Variants in SLC9A5 observed in about 807,000 individuals in gnomAD.
SLC9A5 encodes sodium/hydrogen exchanger 5.
In SLC9A5, 52 loss-of-function variants were observed where a neutral mutation model predicts 91.7. The ratio of observed to expected loss-of-function variants is 0.57; its 90% CI spans 0.45 to 0.71. The LOEUF (loss-of-function observed/expected upper bound fraction) is 0.71. Ranked by LOEUF, SLC9A5 falls within the 30% of genes least tolerant of loss-of-function variation. The probability of loss-of-function intolerance (pLI) is 0.00; values close to 1 mark genes in which losing one functional copy is unlikely to be tolerated. For missense variants in SLC9A5, 871 were observed against 1,158.9 expected (o/e 0.75, Z 3.61); for synonymous variants, 419 against 474.5 (o/e 0.88, Z 1.52).
chr16:67,257,714 C>T lies in SLC9A5; in HGVS notation c.1496+113C>T. ...ACAGAGCCAGGTTCAGGCTGGGTGA[C>T]CTCTGCCTGAAGCCCTTCAGTGGCA... On this transcript the variant is annotated intron_variant, in intron 9 of 15. Transcript: ENST00000299798. This position sits in a 1 kb window ranked among gnomAD's most constrained non-coding sequence, Gnocchi z 5.1. 1 of 1,104,536 alleles carries T rather than the reference C, an allele frequency of 9.1e-7. No individual in the cohort carries two copies. The highest frequency in any genetic ancestry group is 1.3e-5 in the South Asian group (1 of 76,146). 68.4% of individuals were successfully genotyped at this position (1,104,536 alleles called of 1,614,324 possible).
rs2035370515 is a variant in SLC9A5 at position 67,257,687 on chromosome 16, G to T, written c.1496+86G>T. On this transcript the variant is annotated intron_variant, in intron 9 of 15. Transcript: ENST00000299798. This position sits in a 1 kb window ranked among gnomAD's most constrained non-coding sequence, Gnocchi z 5.1. Reference sequence around the variant, plus strand: ...GGGGATGTGCCACACTTCTGAGAAGGGACAGAGCCAGGTTCAGGCTGGGTG... The same window carrying T: ...GGGGATGTGCCACACTTCTGAGAAGTGACAGAGCCAGGTTCAGGCTGGGTG... 1 of 1,418,766 alleles carries T rather than the reference G, an allele frequency of 7.0e-7. No individual in the cohort carries two copies. Among genetic ancestry groups the T allele is most frequent in the African/African-American group, 1.4e-5 (1 of 71,174 alleles). 87.9% of individuals were successfully genotyped at this position (1,418,766 alleles called of 1,614,324 possible). A position where few individuals can be genotyped will look rare whatever the true frequency, so the allele number is the denominator to read the frequency against.
At chr16:67,254,462 T>A (rs1402689739) in intron 2 of SLC9A5, among the ~76,000 whole-genome samples, 1 of 152,234 alleles carries the variant, frequency 6.6e-6, no homozygotes, top group Non-Finnish European at 1.5e-5. Flanking sequence ...AGTGGCACAA[T>A]CTCGGCTCAC....
chr16:67,255,854 G>A lies in SLC9A5; in HGVS notation c.835G>A (p.Glu279Lys), dbSNP rs780862622. Residue 279 changes from glutamate (E) to lysine (K), a missense_variant, in exon 5 of 16, where the codon GAG (glutamate) becomes AAG (lysine). By Grantham distance (56) the Glu-to-Lys change is moderately conservative. Transcript: ENST00000299798. The surrounding 1 kb of genome is among the most constrained non-coding windows in gnomAD (Gnocchi z 4.9). ...CTTCACCAAGCGGGTCCGCATCATC[G>A]AGCCGCTGCTGGTCTTCCTCCTCGC... ...TRFTKRVRIIEPLLVFLLAYA... is the reference protein window; with the variant it reads ...TRFTKRVRIIKPLLVFLLAYA... The A allele has an allele frequency of 3.1e-6, 5 of 1,613,154 alleles. No individual in the cohort carries two copies. Among genetic ancestry groups the A allele is most frequent in the South Asian group, 1.1e-5 (1 of 90,822 alleles).
chr16:67,262,119 C>T, intron 12 of SLC9A5: 1 of 354,312 alleles, frequency 2.8e-6, no homozygotes, highest in Non-Finnish European at 5.8e-6. Flanking sequence ...ATGTCTGCCA[C>T]CAAATGTCTC....
chr16:67,256,733 G>T lies in SLC9A5; in HGVS notation c.1132+44G>T. 1 of 1,473,002 alleles carries T rather than the reference G, an allele frequency of 6.8e-7. No homozygotes were observed. The allele number at this position is 1,473,002 out of a possible 1,614,324, so 91.2% of individuals were successfully genotyped here. A position where few individuals can be genotyped will look rare whatever the true frequency, so the allele number is the denominator to read the frequency against. ...GCTTTCCCACTCTCCTTCCTGTCCC[G>T]CCCCTCCCTGCAGCTCATCTCCCTA... On this transcript the variant is annotated intron_variant, in intron 6 of 15. Transcript: ENST00000299798. The surrounding 1 kb of genome is among the most constrained non-coding windows in gnomAD (Gnocchi z 4.1).
chr16:67,263,154 A>G, intron 12 of SLC9A5: 1 of 152,988 alleles, frequency 6.5e-6, no homozygotes, highest in Non-Finnish European at 1.5e-5. Context: ...GGCAGGAAGG[A>G]GGGAACTGAG....
chr16:67,268,918 C>A (rs1192363261), intron 15 of SLC9A5, among the ~76,000 whole-genome samples: 1 of 151,240 alleles, frequency 6.6e-6, no homozygotes, highest in Non-Finnish European at 1.5e-5. Flanking sequence ...GGACAACCCT[C>A]ACCAGCAAAG....
At position 67,252,572 on chromosome 16, in the gene SLC9A5, T is replaced by C; in HGVS notation, c.218T>C (p.Leu73Pro). Residue 73 changes from leucine to proline, a missense_variant, in exon 2 of 16, where the codon CTG (leucine) becomes CCG (proline). By Grantham distance (98) the Leu-to-Pro change is moderately conservative. Coordinates refer to ENST00000299798, the MANE Select transcript of SLC9A5 (RefSeq NM_004594.3). This position sits in a 1 kb window ranked among gnomAD's most constrained non-coding sequence, Gnocchi z 4.0. ...CACCTGTCTCGGAAAGTAACATCTC[T>C]GGTCCCTGAGAGCTGCCTGCTGATT... Reference protein sequence around the residue: ...VFHLSRKVTSLVPESCLLILL... With the variant: ...VFHLSRKVTSPVPESCLLILL... 1 of 1,613,802 alleles carries C rather than the reference T, an allele frequency of 6.2e-7. No individual in the cohort carries two copies. The highest frequency in any genetic ancestry group is 8.5e-7 in the Non-Finnish European group (1 of 1,179,912).
chr16:67,266,850 CTTT>C (rs61525765), intron 15 of SLC9A5, among the ~76,000 whole-genome samples: 3 of 118,966 alleles, frequency 2.5e-5, no homozygotes, highest in Admixed American at 8.4e-5. Flanking sequence ...CTATTCTTTT[CTTT>C]TTTTTTTTTT....
chr16:67,254,562 A>G (rs1462688219), intron 2 of SLC9A5, among the ~76,000 whole-genome samples: 4 of 152,072 alleles, frequency 2.6e-5, no homozygotes, highest in Non-Finnish European at 1.5e-5. Context: ...GCGCCTGGCT[A>G]CTTTTTGTAT....
In SLC9A5 at chr16:67,256,005, G is replaced by A. The variant is rs2035304619; in HGVS notation, c.911+75G>A. The A allele has an allele frequency of 2.7e-6, 4 of 1,497,662 alleles. No individual in the cohort carries two copies. Among genetic ancestry groups the A allele is most frequent in the Admixed American group, 1.9e-5 (1 of 53,790 alleles). The allele number at this position is 1,497,662 out of a possible 1,614,324, so 92.8% of individuals were successfully genotyped here. A position where few individuals can be genotyped will look rare whatever the true frequency, so the allele number is the denominator to read the frequency against. ...ATGGTTGCCCCTCATAGGGACACAGGCAGGAACTTCAGGAGTCCATAGGTT... is the reference window on the plus strand; with the variant it reads ...ATGGTTGCCCCTCATAGGGACACAGACAGGAACTTCAGGAGTCCATAGGTT... On this transcript the variant is annotated intron_variant, in intron 5 of 15. Transcript: ENST00000299798. This position sits in a 1 kb window ranked among gnomAD's most constrained non-coding sequence, Gnocchi z 4.1.
rs930271433 is a variant in SLC9A5 at position 67,252,859 on chromosome 16, G to A, written c.490+15G>A. On this transcript the variant is annotated intron_variant, in intron 2 of 15. Coordinates refer to ENST00000299798, the MANE Select transcript of SLC9A5 (RefSeq NM_004594.3). The surrounding 1 kb of genome is among the most constrained non-coding windows in gnomAD (Gnocchi z 4.0). The stretch of plus-strand genomic sequence containing the variant: ...TGGACTTGTAGGTGAGTGACCCTAA[G>A]ACCTGGGCTTTGCCAGACCCATCAC... 1 of 1,604,862 alleles carries A rather than the reference G, an allele frequency of 6.2e-7. No homozygotes were observed. The highest frequency in any genetic ancestry group is 8.5e-7 in the Non-Finnish European group (1 of 1,177,016).
chr16:67,253,334 A>T (rs920415588), intron 2 of SLC9A5, among the ~76,000 whole-genome samples: 26 of 152,096 alleles, frequency 1.7e-4, no homozygotes, highest in East Asian at 5.8e-4. Context: ...ATAGATATTT[A>T]AAAAATAAAT....
In SLC9A5 at chr16:67,266,206, C is replaced by T; in HGVS notation, c.2199C>T (p.Leu733=). 3 of 1,606,430 alleles carry T rather than the reference C, an allele frequency of 1.9e-6. No homozygotes were observed. The highest frequency in any genetic ancestry group is 2.5e-6 in the Non-Finnish European group (3 of 1,176,614). The change falls in exon 15 of 16, where the codon CTC becomes CTT. Residue 733 remains leucine (L), a synonymous_variant. Transcript: ENST00000299798. ...TGGCTCGTGCCACCAGTGAGGTTCTCCAAGAGGGCAAGGTCTCAGGTAATG... is the reference window on the plus strand; with the variant it reads ...TGGCTCGTGCCACCAGTGAGGTTCTTCAAGAGGGCAAGGTCTCAGGTAATG... The part of the protein sequence containing the change: ...IFVARATSEV[L]QEGKVSGSLE...
rs2035317887 is a variant in SLC9A5, at chr16:67,256,355, G to C, written c.912-114G>C. 5.4e-6 allele frequency: 4 copies of C among 737,036 alleles called. No homozygotes were observed. The Admixed American group carries it at 6.2e-5, about 11-fold the overall frequency. The allele number at this position is 737,036 out of a possible 1,614,324, so 45.7% of individuals were successfully genotyped here. A position where few individuals can be genotyped will look rare whatever the true frequency, so the allele number is the denominator to read the frequency against. ...TCAGGCCTCCCTGGGCTTCAGCTCTGAGAGTCTGACATCCTGTAATGGGCA... is the reference window on the plus strand; with the variant it reads ...TCAGGCCTCCCTGGGCTTCAGCTCTCAGAGTCTGACATCCTGTAATGGGCA... On this transcript the variant is annotated intron_variant, in intron 5 of 15. Transcript: ENST00000299798. The surrounding 1 kb of genome is among the most constrained non-coding windows in gnomAD (Gnocchi z 4.1).
rs895677566 is a variant in SLC9A5, at chr16:67,270,330, C to T, written c.2219-408C>T. 6.6e-6 allele frequency among the ~76,000 whole-genome samples: 1 copy of T among 152,052 alleles called. No individual in the cohort carries two copies. The highest frequency in any genetic ancestry group is 1.5e-5 in the Non-Finnish European group (1 of 68,010). On this transcript the variant is annotated intron_variant, in intron 15 of 15. Transcript: ENST00000299798. The surrounding 1 kb of genome is among the most constrained non-coding windows in gnomAD (Gnocchi z 4.3). ...CCTCCCGAGTACCTGGGATTACAGG[C>T]GTGTGCCACTGTGCTTGGCTAATTT... is the stretch of plus-strand genomic sequence containing the variant.
Position 67,249,172 on chromosome 16 carries a change from G to A in SLC9A5, c.158G>A (p.Trp53Ter). Residue 53 changes from tryptophan to a stop codon, truncating the protein, a stop_gained, in exon 1 of 16, where the codon TGG (tryptophan) becomes TAG (stop). Coordinates refer to ENST00000299798, the MANE Select transcript of SLC9A5 (RefSeq NM_004594.3). LOFTEE classifies it high-confidence loss of function. ...EVEAPYLVAL[W>*]ILVASLAKIV... ...GAGGCGCCCTACCTGGTGGCCCTGT[G>A]GATCCTGGTGGCCAGTCTGGCCAAA... 1 of 1,554,106 alleles carries A rather than the reference G, an allele frequency of 6.4e-7. No homozygotes were observed. Among genetic ancestry groups the A allele is most frequent in the Non-Finnish European group, 8.7e-7 (1 of 1,156,060 alleles).
At position 67,256,807 on chromosome 16, in the gene SLC9A5, C is replaced by A; in HGVS notation, c.1133-104C>A. The A allele has an allele frequency of 1.5e-6, 2 of 1,367,100 alleles. No homozygotes were observed. Among genetic ancestry groups the A allele is most frequent in the Non-Finnish European group, 1.0e-6 (1 of 967,838 alleles). 84.7% of individuals were successfully genotyped at this position (1,367,100 alleles called of 1,614,324 possible). ...TCCTAAGCCTCCTCTTGTTGCTCAC[C>A]TGTCCCAGCCCCTGTTAGACCTCAG... On this transcript the variant is annotated intron_variant, in intron 6 of 15. Transcript: ENST00000299798. This position sits in a 1 kb window ranked among gnomAD's most constrained non-coding sequence, Gnocchi z 4.1.
intron 12 of SLC9A5, among the ~76,000 whole-genome samples, chr16:67,260,757 A>G (rs944372643): frequency 2.6e-5 from 4 of 152,196 alleles, no homozygotes; most frequent in African/African-American, 9.7e-5. Context: ...CATCTGTTTT[A>G]AATAATGGAA....
Sources: gnomAD v4.1 joint callset for allele counts (sites outside exome capture counted in the v4.1 genomes callset) on GRCh38, gnomAD v4.1.1 for gene constraint, Gnocchi (gnomAD v3.1) non-coding constraint, MANE v1.5 for transcripts, NCBI Gene and HGNC (gene_info 2026-07-23, HGNC 2026-07-21) for gene names.